TGM3: variants seen among roughly 807,000 people sequenced by gnomAD.
TGM3 encodes transglutaminase 3, also known as protein-glutamine gamma-glutamyltransferase E.
A neutral mutation model predicts 73.8 loss-of-function variants in TGM3; 52 were observed. The ratio of observed to expected loss-of-function variants is 0.70; its 90% CI spans 0.56 to 0.89. The LOEUF (loss-of-function observed/expected upper bound fraction) is 0.89, where lower values mean the gene tolerates loss of function less well. Among genes scored for constraint, TGM3 ranks in the 40% least tolerant of loss-of-function variants. The pLI is 0.00. For synonymous variants in TGM3, 372 were observed against 354.9 expected, an observed-to-expected ratio of 1.05 and a Z score of -0.54; for missense variants, 928 against 909.9, an observed-to-expected ratio of 1.02 and a Z score of -0.26.
At chr20:2,320,196 G>T (rs2084255444) in intron 7 of TGM3, among the ~76,000 whole-genome samples, 1 of 152,190 alleles carries the variant, frequency 6.6e-6, no homozygotes, top group African/African-American at 2.4e-5. Flanking sequence ...AGTGTTGAAA[G>T]CTTTAGAACC....
chr20:2,334,702 G>C lies in TGM3; in HGVS notation c.1643-414G>C, dbSNP rs947183679. ...CTCACGCCTGTAATCCCAACACTTT[G>C]GGAGGCCAAGGCGGGAGGATCCCTT... On this transcript the variant is annotated intron_variant, in intron 10 of 12. Transcript: ENST00000381458. This position sits in a 1 kb window ranked among gnomAD's most constrained non-coding sequence, Gnocchi z 4.0. 2.0e-5 allele frequency among the ~76,000 whole-genome samples: 3 copies of C among 152,168 alleles called. No individual in the cohort carries two copies. The highest frequency in any genetic ancestry group is 7.2e-5 in the African/African-American group (3 of 41,444).
chr20:2,306,472 C>CTTTTTTTTTTTTTTTTTTCTTTT (rs33929365), intron 1 of TGM3, among the ~76,000 whole-genome samples: 1 of 129,622 alleles, frequency 7.7e-6, no homozygotes, highest in Non-Finnish European at 1.6e-5. Flanking sequence ...CTTTTCCTTT[C>CTTTTTTTTTTTTTTTTTTCTTTT]TTTTTTTTTT....
chr20:2,340,060 G>A, intron 12 of TGM3, 73 bp downstream of exon 12: 4 of 1,509,636 alleles, frequency 2.6e-6, no homozygotes, highest in East Asian at 2.4e-5. Context: ...TCCCCTGGGT[G>A]GGACAGACAG....
At chr20:2,340,040 G>GGGGGGGGGGGGGGGGGGGGGGGC in intron 12 of TGM3, 53 bp downstream of exon 12, 1 of 944,842 alleles carries the variant, frequency 1.1e-6, no homozygotes, top group Non-Finnish European at 1.6e-6. Context: ...GGGCGGGGGG[G>GGGGGGGGGGGGGGGGGGGGGGGC]CCCTCCAGAT....
At chr20:2,327,035 A>G (rs2084291752) in intron 8 of TGM3, among the ~76,000 whole-genome samples, 1 of 152,148 alleles carries the variant, frequency 6.6e-6, no homozygotes, top group Admixed American at 6.5e-5. Flanking sequence ...CTAGGCCACA[A>G]TTTTCCAAAA....
intron 1 of TGM3, among the ~76,000 whole-genome samples, chr20:2,299,854 T>C (rs551210519): frequency 6.6e-6 from 1 of 152,184 alleles, no homozygotes; most frequent in East Asian, 1.9e-4. Flanking sequence ...TCCCAGCACA[T>C]TGGGAGGTCA....
intron 11 of TGM3, among the ~76,000 whole-genome samples, chr20:2,338,876 A>G (rs1381585022): frequency 6.6e-6 from 1 of 152,234 alleles, no homozygotes; most frequent in Non-Finnish European, 1.5e-5. Flanking sequence ...TCTTTACCAG[A>G]TGAGGAAGTT....
At chr20:2,329,054 C>T (rs2084305754) in intron 9 of TGM3, among the ~76,000 whole-genome samples, 1 of 152,210 alleles carries the variant, frequency 6.6e-6, no homozygotes, top group South Asian at 2.1e-4. Context: ...AAAAGTTCTG[C>T]ATTTGAAGAC....
rs1006386049 is a variant in TGM3, at chr20:2,332,778, C to A, written c.1642+468C>A. Among the ~76,000 whole-genome samples the A allele has an allele frequency of 6.6e-6, 1 of 152,154 alleles. No homozygotes were observed. The highest frequency in any genetic ancestry group is 2.4e-5 in the African/African-American group (1 of 41,438). ...CCTGATACTGAGTCCAGAGCCACCC[C>A]CTGTTTTCTATGTTGTATTGTTCTT... On this transcript the variant is annotated intron_variant, in intron 10 of 12. Transcript: ENST00000381458. This position sits in a 1 kb window ranked among gnomAD's most constrained non-coding sequence, Gnocchi z 4.4.
chr20:2,296,187 G>A, intron 1 of TGM3, 117 bp downstream of exon 1: 2 of 1,293,450 alleles, frequency 1.5e-6, no homozygotes, highest in Admixed American at 4.1e-5. Flanking sequence ...GGGCTCTGAA[G>A]GCCAGACTTC....
At chr20:2,320,012 G>A (rs45463796) in intron 7 of TGM3, among the ~76,000 whole-genome samples, 1,966 of 152,306 alleles carry the variant, frequency 0.013, 44 homozygotes, top group African/African-American at 0.044. Flanking sequence ...TTTCTATAAG[G>A]GAGCTAGCCC....
At chr20:2,317,735 T>A (rs963132643) in intron 7 of TGM3, among the ~76,000 whole-genome samples, 5 of 151,914 alleles carry the variant, frequency 3.3e-5, no homozygotes, top group African/African-American at 4.8e-5. Context: ...CTGATCCCAG[T>A]GAAAGACAGG....
rs1420018263 is a variant in TGM3, at chr20:2,328,652, G to T, written c.1333+287G>T. Among the ~76,000 whole-genome samples, 1 of 152,198 alleles carries T rather than the reference G, an allele frequency of 6.6e-6. No homozygotes were observed. The highest frequency in any genetic ancestry group is 1.5e-5 in the Non-Finnish European group (1 of 68,044). On this transcript the variant is annotated intron_variant, in intron 9 of 12. Transcript: ENST00000381458. This position sits in a 1 kb window ranked among gnomAD's most constrained non-coding sequence, Gnocchi z 5.2. ...TCCCTGTCTCAACTACACAGCTAGG[G>T]TGACAGCACCGTGACTGAACATCAC...
chr20:2,328,494 G>C lies in TGM3; in HGVS notation c.1333+129G>C. On this transcript the variant is annotated intron_variant, in intron 9 of 12. Transcript: ENST00000381458. The surrounding 1 kb of genome is among the most constrained non-coding windows in gnomAD (Gnocchi z 5.2). The stretch of plus-strand genomic sequence containing the variant: ...CCAGTTCTGCCTGAATGATAGGATT[G>C]CTCCCTAGCACCTAACATCCACCTC... 1.5e-6 allele frequency: 2 copies of C among 1,303,616 alleles called. No individual in the cohort carries two copies. The highest frequency in any genetic ancestry group is 2.1e-6 in the Non-Finnish European group (2 of 950,602). 80.8% of individuals were successfully genotyped at this position (1,303,616 alleles called of 1,614,324 possible).
chr20:2,323,454 T>A (rs865836463), intron 7 of TGM3, among the ~76,000 whole-genome samples: 6 of 152,254 alleles, frequency 3.9e-5, no homozygotes, highest in African/African-American at 1.4e-4. Flanking sequence ...GCCAATTCCC[T>A]TATTGATGAA....
intron 11 of TGM3, among the ~76,000 whole-genome samples, chr20:2,338,820 C>T (rs1026526743): frequency 6.6e-6 from 1 of 152,236 alleles, no homozygotes; most frequent in Non-Finnish European, 1.5e-5. Context: ...CTTCCCCATC[C>T]TTGATCTCAT....
intron 1 of TGM3, among the ~76,000 whole-genome samples, chr20:2,306,692 G>T (rs1384949461): frequency 6.6e-6 from 1 of 152,038 alleles, no homozygotes; most frequent in Non-Finnish European, 1.5e-5. Flanking sequence ...GTCCAGGCTG[G>T]TCTCAAACTC....
At chr20:2,336,715 G>C (rs1482689638) in intron 11 of TGM3, among the ~76,000 whole-genome samples, 2 of 151,834 alleles carry the variant, frequency 1.3e-5, no homozygotes, top group Non-Finnish European at 2.9e-5. Context: ...TGACTGGGCA[G>C]CCAGTCTGGG....
At chr20:2,318,314 C>T (rs756194111) in intron 7 of TGM3, among the ~76,000 whole-genome samples, 8 of 152,204 alleles carry the variant, frequency 5.3e-5, no homozygotes, top group African/African-American at 7.2e-5. Context: ...CCACTGCACC[C>T]GGCCAAAATG....
Sources: allele counts gnomAD v4.1 joint callset (sites outside exome capture counted in the v4.1 genomes callset), GRCh38; gene constraint gnomAD v4.1.1; non-coding constraint Gnocchi (gnomAD v3.1); transcripts MANE v1.5; gene names NCBI Gene and HGNC (gene_info 2026-07-23, HGNC 2026-07-21).